Variants in ABCA1 observed in about 807,000 individuals in gnomAD.
ABCA1 encodes ATP binding cassette subfamily A member 1, also known as phospholipid-transporting ATPase ABCA1.
ABCA1 carries 133 observed loss-of-function variants against 262.5 expected under a neutral mutation model. That is an observed-to-expected ratio of 0.51 (90% CI 0.44 to 0.59). The LOEUF (loss-of-function observed/expected upper bound fraction) is 0.59. ABCA1 is among the 20% of genes least tolerant of loss of function. The pLI, the probability that ABCA1 is intolerant of heterozygous loss-of-function variation, is 0.00. For missense variants in ABCA1, 2,452 were observed against 2,777.5 expected (o/e 0.88, Z 2.63); for synonymous variants, 1,022 against 1,043.5 (o/e 0.98, Z 0.40).
chr9:104,800,459 A>C (rs369391822), intron 35 of ABCA1, 51 bp downstream of exon 35: 2 of 1,555,230 alleles, frequency 1.3e-6, no homozygotes, highest in East Asian at 2.2e-5. Context: ...TCCAGGAAAC[A>C]TAAGGATTAT....
chr9:104,829,943 T>TACACACACAC lies in ABCA1; in HGVS notation c.1893-815_1893-806dup, dbSNP rs59055896. ...CCAGCTCCTCCCGCATCCTGATCCC[T>TACACACACAC]ACACACACACACACACACACACACA... On this transcript the variant is annotated intron_variant, in intron 14 of 49. Coordinates refer to ENST00000374736, the MANE Select transcript of ABCA1 (RefSeq NM_005502.4). Among the ~76,000 whole-genome samples the TACACACACAC allele has an allele frequency of 1.8e-3, 251 of 140,900 alleles. 2 individuals are homozygous for TACACACACAC. Among genetic ancestry groups the TACACACACAC allele is most frequent in the African/African-American group, 6.2e-3 (242 of 39,172 alleles). The allele number at this position is 140,900 out of a possible 152,430, so 92.4% of individuals were successfully genotyped here. A position where few individuals can be genotyped will look rare whatever the true frequency, so the allele number is the denominator to read the frequency against.
At chr9:104,785,833 A>C (rs553986318) in intron 48 of ABCA1, among the ~76,000 whole-genome samples, 194 bp from the exon 49 acceptor site, 1 of 152,218 alleles carries the variant, frequency 6.6e-6, no homozygotes, top group Non-Finnish European at 1.5e-5. Flanking sequence ...CATGTGCTGT[A>C]AATACATGAT....
intron 24 of ABCA1, among the ~76,000 whole-genome samples, chr9:104,816,762 C>A (rs532193997): frequency 6.6e-6 from 1 of 152,242 alleles, no homozygotes; most frequent in East Asian, 1.9e-4. Context: ...AGATTCTTCA[C>A]CCTTTCCTAT....
intron 1 of ABCA1, among the ~76,000 whole-genome samples, chr9:104,917,268 A>C (rs2118515835): frequency 6.6e-6 from 1 of 152,322 alleles, no homozygotes; most frequent in Non-Finnish European, 1.5e-5. Flanking sequence ...ATCATCTGAA[A>C]TATGGGGCTA....
chr9:104,882,759 A>C (rs986288405), intron 5 of ABCA1, among the ~76,000 whole-genome samples: 2 of 152,232 alleles, frequency 1.3e-5, no homozygotes, highest in Non-Finnish European at 2.9e-5. Flanking sequence ...AGCAATCTGC[A>C]CCCCTAGCTG....
rs1470153628 is a variant in ABCA1 at position 104,814,377 on chromosome 9, C to T, written c.3787+50G>A. ...GAACAATACTCGTGCACTGAGAAAG[C>T]CAGCAGAAGGCACTATCTTAAGTGT... is the stretch of plus-strand genomic sequence containing the variant. On this transcript the variant is annotated intron_variant, in intron 26 of 49. Coordinates refer to ENST00000374736, the MANE Select transcript of ABCA1 (RefSeq NM_005502.4). 3.1e-6 allele frequency: 5 copies of T among 1,599,178 alleles called. No individual in the cohort carries two copies. In the South Asian group the frequency reaches 5.5e-5, roughly 18 times the overall value.
In ABCA1 at chr9:104,786,396, G is replaced by A. The variant is rs573966768; in HGVS notation, c.6309-6C>T. ...GAGCTTCACATTCTTCCATACTGCG[G>A]TAAAACAGAAAGAGGTTTTAGTTTT... is the stretch of plus-strand genomic sequence containing the variant. On this transcript the variant is annotated splice_region_variant and splice_polypyrimidine_tract_variant and intron_variant, in intron 47 of 49. Coordinates refer to ENST00000374736, the MANE Select transcript of ABCA1 (RefSeq NM_005502.4). 1.3e-5 allele frequency: 21 copies of A among 1,613,246 alleles called. No individual in the cohort carries two copies. The Admixed American group carries it at 2.3e-4, about 18-fold the overall frequency.
At chr9:104,923,974 T>G (rs1842286921) in intron 1 of ABCA1, among the ~76,000 whole-genome samples, 1 of 152,194 alleles carries the variant, frequency 6.6e-6, no homozygotes, top group Non-Finnish European at 1.5e-5. Context: ...CGCAGGAGGC[T>G]GAGGTTGCAG....
At chr9:104,791,125 T>C in intron 43 of ABCA1, 97 bp from the exon 44 acceptor site, 1 of 811,182 alleles carries the variant, frequency 1.2e-6, no homozygotes, top group East Asian at 2.5e-5. Context: ...TTCTTAAATA[T>C]CAGAGAAGAA....
chr9:104,926,401 A>G (rs1826328643), intron 1 of ABCA1, among the ~76,000 whole-genome samples: 1 of 151,198 alleles, frequency 6.6e-6, no homozygotes, highest in Non-Finnish European at 1.5e-5. Context: ...CGCCGCCCCA[A>G]GAACCTTCCT....
Position 104,799,912 on chromosome 9 carries a change from T to C in ABCA1, c.4850A>G (p.Asn1617Ser), listed in dbSNP as rs1588230901. The change falls in exon 36 of 50, where the codon AAC (asparagine) becomes AGC (serine). Residue 1617 changes from asparagine (N) to serine (S), a missense_variant. By Grantham distance (46) the Asn-to-Ser change is conservative. Coordinates refer to ENST00000374736, the MANE Select transcript of ABCA1 (RefSeq NM_005502.4). ...GCTAGGGTTCTCTCCCTTTTGCAGGTTGGCCCGGAGAATGGCATTGTTGAT... is the reference window on the plus strand; with the variant it reads ...GCTAGGGTTCTCTCCCTTTTGCAGGCTGGCCCGGAGAATGGCATTGTTGAT... ...NVINNAILRANLQKGENPSHY... is the reference protein window; with the variant it reads ...NVINNAILRASLQKGENPSHY... 1 of 1,614,158 alleles carries C rather than the reference T, an allele frequency of 6.2e-7. No individual in the cohort carries two copies. Among genetic ancestry groups the C allele is most frequent in the Non-Finnish European group, 8.5e-7 (1 of 1,180,024 alleles).
At chr9:104,900,195 G>A (rs141979782) in intron 2 of ABCA1, among the ~76,000 whole-genome samples, 35 of 152,228 alleles carry the variant, frequency 2.3e-4, no homozygotes, top group African/African-American at 7.9e-4. Flanking sequence ...TGAACATAGC[G>A]TTTCTAGTCT....
intron 1 of ABCA1, among the ~76,000 whole-genome samples, chr9:104,912,570 G>A (rs753091954): frequency 8.5e-5 from 13 of 152,154 alleles, no homozygotes; most frequent in Non-Finnish European, 1.3e-4. Context: ...ATTTCTGAAA[G>A]CAGATCTGTC....
chr9:104,781,962 T>G lies in ABCA1; in HGVS notation c.*2353A>C, dbSNP rs1210508094. 1 of 152,180 alleles carries G rather than the reference T, an allele frequency of 6.6e-6. No individual in the cohort carries two copies. Among genetic ancestry groups the G allele is most frequent in the African/African-American group, 2.4e-5 (1 of 41,466 alleles). 9.4% of individuals were successfully genotyped at this position (152,180 alleles called of 1,614,324 possible). On this transcript the variant is annotated 3_prime_UTR_variant, in exon 50 of 50. Transcript: ENST00000374736. ...ATGAAGATGTATAACTATAGATTGT[T>G]TCTAGCTTCAGAAGAGGTCCTTTCA...
intron 29 of ABCA1, 131 bp downstream of exon 29, chr9:104,810,669 T>C (rs965282460): frequency 3.5e-6 from 5 of 1,420,656 alleles, no homozygotes; most frequent in Admixed American, 1.7e-5. Flanking sequence ...TATTAGCTTA[T>C]ACAGGGACCT....
intron 29 of ABCA1, among the ~76,000 whole-genome samples, chr9:104,810,513 T>C (rs1351305726): frequency 6.6e-6 from 1 of 152,146 alleles, no homozygotes; most frequent in Non-Finnish European, 1.5e-5. Flanking sequence ...AACTTAATCA[T>C]GGATTTTTGC....
chr9:104,805,878 G>A (rs967548497), intron 31 of ABCA1, among the ~76,000 whole-genome samples: 1 of 152,236 alleles, frequency 6.6e-6, no homozygotes, highest in African/African-American at 2.4e-5. Context: ...GCCGAGGCGG[G>A]TGGATCACCT....
intron 23 of ABCA1, among the ~76,000 whole-genome samples, chr9:104,818,169 T>TAAA (rs34642413): frequency 6.9e-6 from 1 of 145,458 alleles, no homozygotes. Flanking sequence ...TGATAGAGGT[T>TAAA]AAAAAAAAAA....
rs1486873520 is a variant in ABCA1 at position 104,817,355 on chromosome 9, T to C, written c.3512A>G (p.His1171Arg). Residue 1171 changes from histidine to arginine, a missense_variant, in exon 24 of 50, where the codon CAT (histidine) becomes CGT (arginine). Physicochemically the swap from His to Arg is conservative, Grantham distance 29. Around this residue, in one of 4 missense-constraint regions of ABCA1, gnomAD observed 665 missense variants for 727.3 expected, o/e 0.91. Coordinates refer to ENST00000374736, the MANE Select transcript of ABCA1 (RefSeq NM_005502.4). The surrounding 1 kb of genome is among the most constrained non-coding windows in gnomAD (Gnocchi z 4.7). ...ACCGATGGTCAGCGTGTCACTCTCA[T>C]GGTCGCTGCCCAGGCCAGCATCAGA... ...SSSDAGLGSD[H>R]ESDTLTIDVS... 4 of 1,614,156 alleles carry C rather than the reference T, an allele frequency of 2.5e-6. No individual in the cohort carries two copies. The highest frequency in any genetic ancestry group is 1.7e-5 in the Admixed American group (1 of 60,026).
Sources: gnomAD v4.1 joint callset for allele counts (sites outside exome capture counted in the v4.1 genomes callset) on GRCh38, gnomAD v4.1.1 for gene constraint, gnomAD v4.1.1 regional missense constraint, Gnocchi (gnomAD v3.1) non-coding constraint, MANE v1.5 for transcripts, NCBI Gene and HGNC (gene_info 2026-07-23, HGNC 2026-07-21) for gene names.